PIK3CD: variants seen among roughly 807,000 people sequenced by gnomAD.
PIK3CD encodes phosphatidylinositol 4,5-bisphosphate 3-kinase catalytic subunit delta isoform.
PIK3CD carries 20 observed loss-of-function variants against 122.9 expected under a neutral mutation model. The ratio of observed to expected loss-of-function variants is 0.16; its 90% CI spans 0.11 to 0.24. The LOEUF is 0.24. PIK3CD is among the 10% of genes least tolerant of loss of function. The pLI, the probability that PIK3CD is intolerant of heterozygous loss-of-function variation, is 1.00. For synonymous variants in PIK3CD, 596 were observed against 593.4 expected (o/e 1.00, Z -0.06); for missense variants, 787 against 1,406.3 (o/e 0.56, Z 7.04).
rs750399399 is a variant in PIK3CD at position 9,692,498 on chromosome 1, G to A, written c.-33+927G>A. ...TCCTAGCACTTTGGGAGGCCAAGGT[G>A]GGCGAATCACGAGGTCAGGAGTTCG... On this transcript the variant is annotated intron_variant, in intron 2 of 23. Coordinates refer to ENST00000377346, the MANE Select transcript of PIK3CD (RefSeq NM_005026.5). 2.6e-4 allele frequency among the ~76,000 whole-genome samples: 40 copies of A among 152,170 alleles called. 1 individual carries two copies. The highest frequency in any genetic ancestry group is 9.2e-4 in the Admixed American group (14 of 15,266).
upstream of PIK3CD, among the ~76,000 whole-genome samples, chr1:9,648,812 C>T (rs1644630508): frequency 6.6e-6 from 1 of 152,176 alleles, no homozygotes; most frequent in Non-Finnish European, 1.5e-5. Flanking sequence ...CTTAGAAAAC[C>T]TGGACCAGGC....
At chr1:9,653,499 G>C (rs532309715) in intron 1 of PIK3CD, 1 of 254,234 alleles carries the variant, frequency 3.9e-6, no homozygotes, top group Admixed American at 5.2e-5. Flanking sequence ...CGTTGCTTGC[G>C]GGGGAAGGAG....
intron 1 of PIK3CD, among the ~76,000 whole-genome samples, chr1:9,681,894 G>A (rs1375127537): frequency 6.6e-6 from 1 of 152,074 alleles, no homozygotes; most frequent in Admixed American, 6.6e-5. Context: ...CAGTCTCCCC[G>A]GGACTTAGCT....
In PIK3CD at chr1:9,721,346, C is replaced by T. The variant is rs971263808; in HGVS notation, c.1811+98C>T. On this transcript the variant is annotated intron_variant, in intron 14 of 23. Coordinates refer to ENST00000377346, the MANE Select transcript of PIK3CD (RefSeq NM_005026.5). ...GGTGGGGCCTGAACCTTCCCGTGGG[C>T]TTGCTCCCTCCTGCCTGGCCTCCCT... The T allele has an allele frequency of 1.1e-5, 17 of 1,608,404 alleles. No individual in the cohort carries two copies. The African/African-American group carries it at 2.3e-4, about 21-fold the overall frequency.
In PIK3CD at chr1:9,710,667, AGACAGACAGACAGACAGATGGACAGGTG is replaced by A; in HGVS notation, c.141+79_141+106del. On this transcript the variant is annotated intron_variant, in intron 3 of 23. Transcript: ENST00000377346. The surrounding 1 kb of genome is among the most constrained non-coding windows in gnomAD (Gnocchi z 4.7). ...GAGAGAGAGAGAGACACAGATAGAC[AGACAGACAGACAGACAGATGGACAGGTG>A]GACAGACGGACAGACAGATGGACAG... 1 of 1,495,780 alleles carries A rather than the reference AGACAGACAGACAGACAGATGGACAGGTG, an allele frequency of 6.7e-7. No individual in the cohort carries two copies. The highest frequency in any genetic ancestry group is 2.3e-5 in the East Asian group (1 of 44,308). The allele number at this position is 1,495,780 out of a possible 1,614,324, so 92.7% of individuals were successfully genotyped here.
At chr1:9,630,707 AGTGTGTGTGT>A in the PIK3CD span, among the ~76,000 whole-genome samples, 2,894 of 147,656 alleles carry the variant, frequency 0.02, 41 homozygotes, top group Non-Finnish European at 0.029. Context: ...AAAGAAAGTG[AGTGTGTGTGT>A]GTGTGTGTGT....
At chr1:9,685,714 G>A (rs1313118555) in intron 1 of PIK3CD, among the ~76,000 whole-genome samples, 2 of 152,106 alleles carry the variant, frequency 1.3e-5, no homozygotes, top group Admixed American at 1.3e-4. Context: ...GTCCAGGCTC[G>A]AGTGCAGTGA....
chr1:9,694,405 G>C (rs760661500), intron 2 of PIK3CD, among the ~76,000 whole-genome samples: 1 of 152,140 alleles, frequency 6.6e-6, no homozygotes, highest in South Asian at 2.1e-4. Context: ...GTGGTGGCGC[G>C]TGCCTGTAAT....
chr1:9,685,319 TG>T (rs1172927125), intron 1 of PIK3CD, among the ~76,000 whole-genome samples: 1 of 152,150 alleles, frequency 6.6e-6, no homozygotes, highest in African/African-American at 2.4e-5. Context: ...TGTTTGTTTT[TG>T]GTTGTTGTCT....
At chr1:9,630,882 G>T in the PIK3CD span, among the ~76,000 whole-genome samples, 1 of 152,140 alleles carries the variant, frequency 6.6e-6, no homozygotes, top group Non-Finnish European at 1.5e-5. Flanking sequence ...AGGGCAGAGA[G>T]GGGGAAGTGA....
intron 2 of PIK3CD, among the ~76,000 whole-genome samples, chr1:9,703,239 T>C (rs1646713265): frequency 1.3e-5 from 2 of 152,182 alleles, no homozygotes. Context: ...TGGAATCCTA[T>C]AGTCAGGGAG....
chr1:9,716,601 C>T lies in PIK3CD; in HGVS notation c.762C>T (p.Tyr254=), dbSNP rs758532031. 1 of 1,563,294 alleles carries T rather than the reference C, an allele frequency of 6.4e-7. No homozygotes were observed. Among genetic ancestry groups the T allele is most frequent in the Admixed American group, 1.9e-5 (1 of 52,068 alleles). The change falls in exon 6 of 24, where the codon TAC becomes TAT. Residue 254 remains tyrosine, a synonymous_variant. Coordinates refer to ENST00000377346, the MANE Select transcript of PIK3CD (RefSeq NM_005026.5). ...GGCATGAGTACCTGTATGGCAGCTA[C>T]CCGCTCTGCCAGTTCCAGGTGAGGC... The part of the protein sequence containing the change: ...NGRHEYLYGS[Y]PLCQFQYICS...
chr1:9,718,918 G>A lies in PIK3CD; in HGVS notation c.1242+3G>A. On this transcript the variant is annotated splice_donor_region_variant and intron_variant, in intron 9 of 23. Coordinates refer to ENST00000377346, the MANE Select transcript of PIK3CD (RefSeq NM_005026.5). This position sits in a 1 kb window ranked among gnomAD's most constrained non-coding sequence, Gnocchi z 7.2. ...CCAAGAAGAAGTCCAAGAAGGCGGT[G>A]GGTCCCAGGGCCGGCTGGGAGGGGT... is the stretch of plus-strand genomic sequence containing the variant. 6.2e-7 allele frequency: 1 copy of A among 1,611,798 alleles called. No individual in the cohort carries two copies. Among genetic ancestry groups the A allele is most frequent in the Non-Finnish European group, 8.5e-7 (1 of 1,179,826 alleles).
chr1:9,658,062 T>A (rs907428529), intron 1 of PIK3CD, among the ~76,000 whole-genome samples: 8 of 152,108 alleles, frequency 5.3e-5, no homozygotes, highest in Admixed American at 2.0e-4. Flanking sequence ...TAGAGAAGCA[T>A]AATCAGCCTT....
intron 1 of PIK3CD, among the ~76,000 whole-genome samples, chr1:9,681,287 A>C (rs1285162250): frequency 1.3e-5 from 2 of 152,148 alleles, no homozygotes; most frequent in Non-Finnish European, 2.9e-5. Flanking sequence ...GCCCAGGCTG[A>C]GGTGCAGTGG....
In PIK3CD at chr1:9,700,897, C is replaced by T. The variant is rs1000288293; in HGVS notation, c.-33+9326C>T. ...TCCTCCTGCACCGTCCCCCAAGGGT[C>T]CCTCTGATTTAAGTATGTCTGGATT... On this transcript the variant is annotated intron_variant, in intron 2 of 23. Coordinates refer to ENST00000377346, the MANE Select transcript of PIK3CD (RefSeq NM_005026.5). The surrounding 1 kb of genome is among the most constrained non-coding windows in gnomAD (Gnocchi z 5.1). Among the ~76,000 whole-genome samples, 1 of 152,120 alleles carries T rather than the reference C, an allele frequency of 6.6e-6. No homozygotes were observed. The highest frequency in any genetic ancestry group is 2.4e-5 in the African/African-American group (1 of 41,410).
intron 1 of PIK3CD, among the ~76,000 whole-genome samples, chr1:9,675,062 A>AAGAG (rs1645471461): frequency 6.6e-6 from 1 of 150,784 alleles, no homozygotes; most frequent in Admixed American, 6.6e-5. Flanking sequence ...GAAAGAAAGA[A>AAGAG]AGAAATGCTA....
chr1:9,690,475 G>C (rs954309900), intron 1 of PIK3CD, among the ~76,000 whole-genome samples: 5 of 152,126 alleles, frequency 3.3e-5, no homozygotes, highest in African/African-American at 1.2e-4. Flanking sequence ...CACTTAATTG[G>C]TCAGCAATGG....
Position 9,721,538 on chromosome 1 carries a change from C to T in PIK3CD, c.1906C>T (p.Arg636Trp). ...CGAGCTGACCAAATTCCTGCTGGAC[C>T]GGGCCCTGGCCAACCGCAAGATCGG... is the stretch of plus-strand genomic sequence containing the variant. Reference protein sequence around the residue: ...DCELTKFLLDRALANRKIGHF... With the variant: ...DCELTKFLLDWALANRKIGHF... The change falls in exon 15 of 24, where the codon CGG (arginine) becomes TGG (tryptophan). Residue 636 changes from arginine (R) to tryptophan (W), a missense_variant. Arg to Trp is a moderately radical substitution (Grantham distance 101, BLOSUM62 -3). This residue lies in a region of PIK3CD where 592 missense variants were observed against 920.6 expected (regional missense o/e 0.64). Transcript: ENST00000377346. 1 of 1,613,784 alleles carries T rather than the reference C, an allele frequency of 6.2e-7. No homozygotes were observed. The highest frequency in any genetic ancestry group is 8.5e-7 in the Non-Finnish European group (1 of 1,180,026).
Sources: gnomAD v4.1 joint callset for allele counts (sites outside exome capture counted in the v4.1 genomes callset) on GRCh38, gnomAD v4.1.1 for gene constraint, gnomAD v4.1.1 regional missense constraint, Gnocchi (gnomAD v3.1) non-coding constraint, MANE v1.5 for transcripts, NCBI Gene and HGNC (gene_info 2026-07-23, HGNC 2026-07-21) for gene names.